Variants in KIAA1671 observed in about 807,000 individuals in gnomAD.
KIAA1671 encodes the protein KIAA1671.
KIAA1671 carries 52 observed loss-of-function variants against 131.2 expected under a neutral mutation model. The ratio of observed to expected loss-of-function variants is 0.40; its 90% CI spans 0.32 to 0.50. The LOEUF is 0.50. Among genes scored for constraint, KIAA1671 ranks in the 20% least tolerant of loss-of-function variants. KIAA1671 has a pLI of 0.73. For missense variants in KIAA1671, 2,360 were observed against 2,364.2 expected, an observed-to-expected ratio of 1.00 and a Z score of 0.04; for synonymous variants, 1,003 against 961.6, an observed-to-expected ratio of 1.04 and a Z score of -0.80.
chr22:24,988,781 G>T (rs1474245970), intron 1 of KIAA1671, among the ~76,000 whole-genome samples: 1 of 150,680 alleles, frequency 6.6e-6, no homozygotes, highest in African/African-American at 2.4e-5. Context: ...TATCTCATCT[G>T]AGAATTGTGG....
chr22:25,049,077 A>G (rs1436249684), intron 5 of KIAA1671, 153 bp from the exon 6 acceptor site: 19 of 930,400 alleles, frequency 2.0e-5, no homozygotes, highest in Non-Finnish European at 3.0e-5. Context: ...ACCGCCCTAC[A>G]TGTTACCTCT....
At chr22:25,054,260 G>C (rs1927719283) in intron 6 of KIAA1671, 1 of 149,102 alleles carries the variant, frequency 6.7e-6, no homozygotes, top group Non-Finnish European at 1.5e-5. Flanking sequence ...CAAAAAAAAA[G>C]AAGGTAGGTA....
chr22:25,138,223 T>C (rs191530086), intron 6 of KIAA1671, among the ~76,000 whole-genome samples: 1 of 152,288 alleles, frequency 6.6e-6, no homozygotes, highest in African/African-American at 2.4e-5. Context: ...CCTAGGTTGA[T>C]GGAATAGGTT....
intron 6 of KIAA1671, among the ~76,000 whole-genome samples, chr22:25,103,212 C>CTT (rs10631725): frequency 0.4 from 55,484 of 140,224 alleles, 12,265 homozygotes; most frequent in African/African-American, 0.59. Flanking sequence ...CCCCAACCGC[C>CTT]TTTTTTTTTT....
At chr22:25,166,165 G>C (rs541541978) in intron 6 of KIAA1671, among the ~76,000 whole-genome samples, 55 of 152,328 alleles carry the variant, frequency 3.6e-4, no homozygotes, top group African/African-American at 1.3e-3. Flanking sequence ...AAGGAATGTT[G>C]TTCGAGAAAG....
At chr22:25,081,138 C>T (rs1929384819) in intron 6 of KIAA1671, among the ~76,000 whole-genome samples, 1 of 152,128 alleles carries the variant, frequency 6.6e-6, no homozygotes, top group Non-Finnish European at 1.5e-5. Context: ...CTTCTAGGAG[C>T]CAGGATTCCA....
At chr22:25,045,765 A>G (rs1416220738) in intron 5 of KIAA1671, among the ~76,000 whole-genome samples, 2 of 151,802 alleles carry the variant, frequency 1.3e-5, no homozygotes, top group Non-Finnish European at 2.9e-5. Context: ...AATTTTTTGT[A>G]TTTTTAGTAG....
At chr22:25,180,035 TTC>T (rs1285087724) in intron 9 of KIAA1671, among the ~76,000 whole-genome samples, 14 of 109,114 alleles carry the variant, frequency 1.3e-4, no homozygotes, top group South Asian at 8.7e-4. Context: ...GGAAAGAACA[TTC>T]TGAAAGAGGC....
chr22:25,009,424 C>T (rs1924916080), intron 1 of KIAA1671, among the ~76,000 whole-genome samples: 1 of 150,884 alleles, frequency 6.6e-6, no homozygotes, highest in Non-Finnish European at 1.5e-5. Flanking sequence ...GTCACCACAC[C>T]CAGCTAATTT....
intron 6 of KIAA1671, chr22:25,050,025 T>G (rs1013989464): frequency 6.6e-6 from 1 of 152,310 alleles, no homozygotes; most frequent in African/African-American, 2.4e-5. Context: ...ATGAGAGAAT[T>G]CATGAAGTGC....
intron 1 of KIAA1671, among the ~76,000 whole-genome samples, chr22:24,985,211 T>C (rs1196601911): frequency 2.0e-5 from 3 of 152,224 alleles, no homozygotes; most frequent in African/African-American, 7.2e-5. Flanking sequence ...CACTGGGATT[T>C]AAAACGTAAA....
intron 6 of KIAA1671, among the ~76,000 whole-genome samples, chr22:25,162,364 G>A (rs1423039628): frequency 2.6e-5 from 4 of 152,210 alleles, no homozygotes; most frequent in Non-Finnish European, 5.9e-5. Context: ...GAATTGCAGA[G>A]GGGATTGGGA....
intron 9 of KIAA1671, 148 bp from the exon 10 acceptor site, chr22:25,181,551 T>C: frequency 1.2e-6 from 1 of 866,838 alleles, no homozygotes; most frequent in South Asian, 1.8e-5. Flanking sequence ...GGCACCTTGG[T>C]GGTCCTCATC....
intron 6 of KIAA1671, among the ~76,000 whole-genome samples, chr22:25,081,975 C>T (rs1332583471): frequency 6.6e-6 from 1 of 152,104 alleles, no homozygotes; most frequent in Non-Finnish European, 1.5e-5. Flanking sequence ...GCAGGAGGAT[C>T]ACCTAAGCCC....
chr22:25,062,937 G>C (rs1928251797), intron 6 of KIAA1671: 1 of 151,754 alleles, frequency 6.6e-6, no homozygotes, highest in Non-Finnish European at 1.5e-5. Context: ...GATTGGCTCA[G>C]AGATGCCTTT....
At chr22:25,116,067 T>C (rs1286743595) in intron 6 of KIAA1671, among the ~76,000 whole-genome samples, 13 of 152,128 alleles carry the variant, frequency 8.5e-5, no homozygotes, top group Non-Finnish European at 1.6e-4. Context: ...TGAGCCACTG[T>C]GCCCAGCCTA....
At chr22:25,062,156 G>C (rs1331773020) in intron 6 of KIAA1671, 1 of 152,238 alleles carries the variant, frequency 6.6e-6, no homozygotes, top group African/African-American at 2.4e-5. Flanking sequence ...TGAAGTGCTG[G>C]GATTACAGGC....
intron 6 of KIAA1671, among the ~76,000 whole-genome samples, chr22:25,147,259 C>G (rs1932898993): frequency 6.6e-6 from 1 of 151,736 alleles, no homozygotes. Flanking sequence ...GTGGTGCAGT[C>G]TTGGCTCACT....
chr22:25,084,379 G>T (rs756370759), intron 6 of KIAA1671, among the ~76,000 whole-genome samples: 2 of 150,908 alleles, frequency 1.3e-5, no homozygotes, highest in Non-Finnish European at 2.9e-5. Context: ...GGAGGCTGAG[G>T]CAGGAGAATC....
Sources: allele counts gnomAD v4.1 joint callset (sites outside exome capture counted in the v4.1 genomes callset), GRCh38; gene constraint gnomAD v4.1.1; transcripts MANE v1.5; gene names NCBI Gene and HGNC (gene_info 2026-07-23, HGNC 2026-07-21).